Variants in PDE11A observed in about 807,000 individuals in gnomAD.
PDE11A encodes dual 3',5'-cyclic-AMP and -GMP phosphodiesterase 11A.
A neutral mutation model predicts 100.5 loss-of-function variants in PDE11A; 100 were observed. The observed-to-expected ratio is 1.00, with a 90% confidence interval of 0.85 to 1.18. The LOEUF is 1.18. Ranked by LOEUF, PDE11A falls within the 50% of genes most tolerant of loss-of-function variation. The pLI, the probability that PDE11A is intolerant of heterozygous loss-of-function variation, is 0.00. For synonymous variants in PDE11A, 381 were observed against 420.8 expected, an observed-to-expected ratio of 0.91 and a Z score of 1.16; for missense variants, 1,141 against 1,152.6, an observed-to-expected ratio of 0.99 and a Z score of 0.15.
At chr2:178,047,509 T>C (rs1408627242) in intron 1 of PDE11A, among the ~76,000 whole-genome samples, 2 of 151,010 alleles carry the variant, frequency 1.3e-5, no homozygotes, top group Non-Finnish European at 2.9e-5. Flanking sequence ...AAGAATGGCT[T>C]TTCCCCAGCT....
rs143888343 is a variant in PDE11A at position 177,736,168 on chromosome 2, A to T, written c.1789-7996T>A. ...TTGAAAGAACCAGGGAAAAAGAGAG[A>T]GTACTCTAGAACCAGAAGGAAGGAA... On this transcript the variant is annotated intron_variant, in intron 10 of 19. Coordinates refer to ENST00000286063, the MANE Select transcript of PDE11A (RefSeq NM_016953.4). 3.1e-3 allele frequency among the ~76,000 whole-genome samples: 473 copies of T among 152,166 alleles called. 2 individuals are homozygous for T. The highest frequency in any genetic ancestry group is 0.011 in the African/African-American group (437 of 41,520).
At chr2:178,094,069 T>C (rs2087457884) in intron 2 of PDE11A, among the ~76,000 whole-genome samples, 2 of 152,186 alleles carry the variant, frequency 1.3e-5, no homozygotes, top group South Asian at 2.1e-4. Context: ...ATTTTCCTTC[T>C]GCAAATAACT....
In PDE11A at chr2:177,790,085, G is replaced by T. The variant is rs1273214812; in HGVS notation, c.1738-20712C>A. Among the ~76,000 whole-genome samples, 308 of 151,942 alleles carry T rather than the reference G, an allele frequency of 2.0e-3. 1 individual carries two copies. Among genetic ancestry groups the T allele is most frequent in the African/African-American group, 7.1e-3 (294 of 41,370 alleles). On this transcript the variant is annotated intron_variant, in intron 9 of 19. Transcript: ENST00000286063. ...AAAAAGAGCCCGCATCACCAAGTCAGTCCTAAGCCAAAAGAACAAAGTTGG... is the reference window on the plus strand; with the variant it reads ...AAAAAGAGCCCGCATCACCAAGTCATTCCTAAGCCAAAAGAACAAAGTTGG...
intron 9 of PDE11A, among the ~76,000 whole-genome samples, chr2:177,810,082 AGC>A (rs5836627): frequency 0.11 from 17,171 of 152,140 alleles, 1,118 homozygotes; most frequent in African/African-American, 0.19. Flanking sequence ...CCCAAATAAA[AGC>A]GCAACTCTGT....
intron 2 of PDE11A, among the ~76,000 whole-genome samples, chr2:178,096,637 C>T (rs1236504586): frequency 2.0e-5 from 3 of 152,236 alleles, no homozygotes; most frequent in Non-Finnish European, 2.9e-5. Flanking sequence ...GGGCAAAATG[C>T]CGCCAGTCTC....
At chr2:177,877,534 G>T (rs780116792) in intron 4 of PDE11A, among the ~76,000 whole-genome samples, 3 of 152,094 alleles carry the variant, frequency 2.0e-5, no homozygotes, top group Non-Finnish European at 4.4e-5. Context: ...AGAACAGATG[G>T]AAAGTCTGTC....
At chr2:177,634,386 C>CTTTTTTTTTTTTTTTTTTTTTTTTTT (rs758752342) in intron 19 of PDE11A, among the ~76,000 whole-genome samples, 1 of 59,384 alleles carries the variant, frequency 1.7e-5, no homozygotes. Context: ...CTTTTTCTCT[C>CTTTTTTTTTTTTTTTTTTTTTTTTTT]TCTCTTTTTT....
chr2:177,710,631 T>A (rs1439623593), intron 13 of PDE11A, among the ~76,000 whole-genome samples: 1 of 152,174 alleles, frequency 6.6e-6, no homozygotes, highest in Non-Finnish European at 1.5e-5. Context: ...AGAGTGGATG[T>A]CACAGAGACT....
At chr2:178,038,075 C>A (rs979931696) in intron 1 of PDE11A, among the ~76,000 whole-genome samples, 1 of 151,670 alleles carries the variant, frequency 6.6e-6, no homozygotes, top group African/African-American at 2.4e-5. Flanking sequence ...ATTAGATACC[C>A]TTTAATGTAA....
At chr2:177,847,516 G>A (rs1471476601) in intron 5 of PDE11A, among the ~76,000 whole-genome samples, 2 of 152,170 alleles carry the variant, frequency 1.3e-5, no homozygotes, top group Non-Finnish European at 2.9e-5. Flanking sequence ...GCTTATGGGT[G>A]CAAATCAGTT....
intron 10 of PDE11A, among the ~76,000 whole-genome samples, chr2:177,737,315 A>G (rs2081801988): frequency 6.6e-6 from 1 of 151,834 alleles, no homozygotes; most frequent in African/African-American, 2.4e-5. Context: ...GCGGTGGCTC[A>G]CACCTGTAAT....
At chr2:177,703,906 C>T (rs1270668217) in intron 13 of PDE11A, among the ~76,000 whole-genome samples, 1 of 152,202 alleles carries the variant, frequency 6.6e-6, no homozygotes, top group African/African-American at 2.4e-5. Flanking sequence ...TGTGTTCTAT[C>T]TCCCAGTATT....
chr2:177,918,405 T>C (rs1311725533), intron 2 of PDE11A, among the ~76,000 whole-genome samples: 2 of 152,090 alleles, frequency 1.3e-5, no homozygotes, highest in Non-Finnish European at 2.9e-5. Flanking sequence ...GAGGGCTCAA[T>C]TACATACAAA....
At chr2:178,020,897 G>A (rs1321460105) in intron 1 of PDE11A, among the ~76,000 whole-genome samples, 2 of 88,804 alleles carry the variant, frequency 2.3e-5, no homozygotes, top group Non-Finnish European at 5.0e-5. Context: ...TTTCTATTAA[G>A]TCTTTGTTTT....
chr2:178,059,937 T>G (rs571064211), intron 1 of PDE11A, among the ~76,000 whole-genome samples: 2 of 152,306 alleles, frequency 1.3e-5, no homozygotes, highest in African/African-American at 2.4e-5. Flanking sequence ...GAAGCTACAT[T>G]TGCCAGCCTC....
At chr2:178,004,913 A>G (rs1269194517) in intron 2 of PDE11A, among the ~76,000 whole-genome samples, 1 of 152,172 alleles carries the variant, frequency 6.6e-6, no homozygotes, top group Non-Finnish European at 1.5e-5. Flanking sequence ...TTGTGATTAC[A>G]ACTTAATACT....
At chr2:177,964,067 C>T (rs1434829433) in intron 2 of PDE11A, among the ~76,000 whole-genome samples, 1 of 152,058 alleles carries the variant, frequency 6.6e-6, no homozygotes, top group Non-Finnish European at 1.5e-5. Flanking sequence ...TATTTAATTT[C>T]TATTATTTTC....
At chr2:177,792,430 A>T (rs1388113565) in intron 9 of PDE11A, among the ~76,000 whole-genome samples, 1 of 152,172 alleles carries the variant, frequency 6.6e-6, no homozygotes. Flanking sequence ...TTAAATATTT[A>T]TATATACTGA....
chr2:177,935,324 A>C (rs2695737), intron 2 of PDE11A, among the ~76,000 whole-genome samples: 112,215 of 151,972 alleles, frequency 0.74, 42,071 homozygotes, highest in East Asian at 0.8. Context: ...GTCAGGAGTT[A>C]CTGTGTTGGA....
Sources: allele counts gnomAD v4.1 joint callset (sites outside exome capture counted in the v4.1 genomes callset), GRCh38; gene constraint gnomAD v4.1.1; transcripts MANE v1.5; gene names NCBI Gene and HGNC (gene_info 2026-07-23, HGNC 2026-07-21).